The following TULP4 variants were observed in gnomAD, a reference collection of about 807,000 sequenced individuals.
TULP4 encodes the protein TUB like protein 4.
A neutral mutation model predicts 129.0 loss-of-function variants in TULP4; 16 were observed. That is an observed-to-expected ratio of 0.12 (90% confidence interval 0.08 to 0.19). The LOEUF is 0.19. TULP4 is among the 10% of genes least tolerant of loss of function. The pLI is 1.00. For synonymous variants in TULP4, 998 were observed against 854.0 expected (o/e 1.17, Z -2.94); for missense variants, 1,842 against 2,059.1 (o/e 0.89, Z 2.04).
chr6:158,506,042 T>G (rs992819768), intron 13 of TULP4, among the ~76,000 whole-genome samples: 3 of 152,006 alleles, frequency 2.0e-5, no homozygotes, highest in Non-Finnish European at 4.4e-5. Flanking sequence ...CAAACCTTGC[T>G]CACTGTCTCC....
At chr6:158,425,005 T>C (rs1037769411) in intron 2 of TULP4, among the ~76,000 whole-genome samples, 3 of 150,780 alleles carry the variant, frequency 2.0e-5, no homozygotes, top group Non-Finnish European at 3.0e-5. Context: ...TACAAAAAAA[T>C]TAGCCGGGCG....
intron 1 of TULP4, among the ~76,000 whole-genome samples, chr6:158,258,757 C>G (rs1039754016): frequency 6.6e-6 from 1 of 152,168 alleles, no homozygotes; most frequent in Admixed American, 6.5e-5. Context: ...AAAATTTGAA[C>G]CTGCTGAACA....
At chr6:158,380,911 A>AAAAAAAAG (rs1350830019) in intron 1 of TULP4, among the ~76,000 whole-genome samples, 2 of 101,886 alleles carry the variant, frequency 2.0e-5, no homozygotes, top group African/African-American at 5.6e-5. Flanking sequence ...AAAAAAAAAA[A>AAAAAAAAG]AGAAGAAGAA....
intron 5 of TULP4, among the ~76,000 whole-genome samples, chr6:158,453,499 A>AAAAAAAAAAAAAAAAAAAAAC (rs1779212886): frequency 6.9e-6 from 1 of 144,438 alleles, no homozygotes; most frequent in Non-Finnish European, 1.5e-5. Context: ...AAAAAAAAAA[A>AAAAAAAAAAAAAAAAAAAAAC]AAAAAAAAAA....
chr6:158,354,920 A>G (rs1780610622), intron 1 of TULP4, among the ~76,000 whole-genome samples: 2 of 150,850 alleles, frequency 1.3e-5, no homozygotes, highest in African/African-American at 4.9e-5. Flanking sequence ...AGCCCTCAAG[A>G]TGCTCATTTG....
chr6:158,414,471 C>T (rs145747783), intron 2 of TULP4, among the ~76,000 whole-genome samples: 15 of 152,346 alleles, frequency 9.8e-5, no homozygotes, highest in African/African-American at 3.1e-4. Context: ...CCCATGGCAC[C>T]GCTTGCATCT....
At chr6:158,368,190 T>G (rs1776982150) in intron 1 of TULP4, among the ~76,000 whole-genome samples, 2 of 152,124 alleles carry the variant, frequency 1.3e-5, no homozygotes, top group South Asian at 4.1e-4. Flanking sequence ...TGTAAAAGAT[T>G]ATCATTATCT....
At chr6:158,246,423 C>T (rs1230756341) in intron 1 of TULP4, among the ~76,000 whole-genome samples, 2 of 150,780 alleles carry the variant, frequency 1.3e-5, no homozygotes, top group East Asian at 1.9e-4. Context: ...ACCCAGGAGG[C>T]GGAGCTTGCA....
intron 1 of TULP4, among the ~76,000 whole-genome samples, chr6:158,297,171 G>T (rs1297078421): frequency 6.6e-6 from 1 of 152,024 alleles, no homozygotes; most frequent in Non-Finnish European, 1.5e-5. Flanking sequence ...TTTTCCTAGG[G>T]TCTTAATATT....
At chr6:158,403,198 G>A (rs940440570) in intron 1 of TULP4, among the ~76,000 whole-genome samples, 9 of 152,086 alleles carry the variant, frequency 5.9e-5, no homozygotes, top group Admixed American at 1.3e-4. Context: ...CTGAGCTCCC[G>A]AGCTCTGCTT....
At chr6:158,378,521 G>A (rs1417400712) in intron 1 of TULP4, among the ~76,000 whole-genome samples, 1 of 123,876 alleles carries the variant, frequency 8.1e-6, no homozygotes, top group Non-Finnish European at 1.6e-5. Flanking sequence ...ATCTCGCTCT[G>A]TTGCCCAGAC....
At chr6:158,259,906 G>A (rs1200106724) in intron 1 of TULP4, among the ~76,000 whole-genome samples, 7 of 147,288 alleles carry the variant, frequency 4.8e-5, no homozygotes, top group Non-Finnish European at 7.6e-5. Context: ...CCTGGATGCC[G>A]AGCTCCCATG....
At chr6:158,260,730 G>A (rs574312882) in intron 1 of TULP4, among the ~76,000 whole-genome samples, 78 of 152,262 alleles carry the variant, frequency 5.1e-4, no homozygotes, top group Non-Finnish European at 8.4e-4. Flanking sequence ...TAGAGGATGA[G>A]GGGCTGGGGA....
At chr6:158,252,542 C>A (rs4710135) in intron 1 of TULP4, among the ~76,000 whole-genome samples, 23,595 of 151,794 alleles carry the variant, frequency 0.16, 2,477 homozygotes, top group East Asian at 0.43. Flanking sequence ...TGCCCAGCTA[C>A]TTTTTGTATT....
chr6:158,349,010 CA>C (rs1780400309), intron 1 of TULP4, among the ~76,000 whole-genome samples: 1 of 67,622 alleles, frequency 1.5e-5, no homozygotes, highest in Non-Finnish European at 3.4e-5. Flanking sequence ...AGGCGCTCCT[CA>C]CTTCCCAGAC....
chr6:158,445,142 GAGT>G (rs1305117804), intron 3 of TULP4, among the ~76,000 whole-genome samples: 1 of 152,166 alleles, frequency 6.6e-6, no homozygotes, highest in Non-Finnish European at 1.5e-5. Flanking sequence ...GCCCTGCAGT[GAGT>G]ATATACAAGG....
intron 1 of TULP4, among the ~76,000 whole-genome samples, chr6:158,252,816 G>C (rs1028799386): frequency 2.6e-5 from 4 of 152,138 alleles, no homozygotes; most frequent in Admixed American, 6.5e-5. Flanking sequence ...CGTAGGCAGA[G>C]CAGCCCGGTT....
intron 6 of TULP4, among the ~76,000 whole-genome samples, chr6:158,462,625 G>T (rs921307075): frequency 6.6e-6 from 1 of 151,564 alleles, no homozygotes; most frequent in East Asian, 1.9e-4. Flanking sequence ...TGCCCGCCTC[G>T]GCCTCCCAAG....
chr6:158,461,432 A>AG, intron 5 of TULP4, 131 bp from the exon 6 acceptor site: 1 of 939,590 alleles, frequency 1.1e-6, no homozygotes, highest in Non-Finnish European at 1.5e-6. Context: ...AAAAAGGAAA[A>AG]AACCATGAAT....
Sources: allele counts gnomAD v4.1 joint callset (sites outside exome capture counted in the v4.1 genomes callset), GRCh38; gene constraint gnomAD v4.1.1; transcripts MANE v1.5; gene names NCBI Gene and HGNC (gene_info 2026-07-23, HGNC 2026-07-21).